TUT4: variants seen among roughly 807,000 people sequenced by gnomAD.
The protein encoded by TUT4 is terminal uridylyltransferase 4.
TUT4 carries 36 observed loss-of-function variants against 192.2 expected under a neutral mutation model. The ratio of observed to expected loss-of-function variants is 0.19; its 90% confidence interval spans 0.14 to 0.25. The LOEUF is 0.25. Among genes scored for constraint, TUT4 ranks in the 10% least tolerant of loss-of-function variants. The pLI is 1.00. For synonymous variants in TUT4, 618 were observed against 666.0 expected, an observed-to-expected ratio of 0.93 and a Z score of 1.11; for missense variants, 1,493 against 1,957.2, an observed-to-expected ratio of 0.76 and a Z score of 4.47.
rs1015637625 is a variant in TUT4 at position 52,431,421 on chromosome 1, G to A, written c.4303C>T (p.Pro1435Ser). ...PSYSPQPQPF[P>S]QNSSQSAAIT... ...GCAGCTGACTGGGAAGAGTTCTGTGGAAATGGCTGAGGCTGAGGAGAATAA... is the reference window on the plus strand; with the variant it reads ...GCAGCTGACTGGGAAGAGTTCTGTGAAAATGGCTGAGGCTGAGGAGAATAA... Residue 1435 changes from proline to serine, a missense_variant, in exon 28 of 30, where the codon CCA (proline) becomes TCA (serine). By Grantham distance (74) the Pro-to-Ser change is moderately conservative. Around this residue, in one of 7 missense-constraint regions of TUT4, gnomAD observed 351 missense variants for 397.8 expected, o/e 0.88. Transcript: ENST00000257177. 1 of 1,613,816 alleles carries A rather than the reference G, an allele frequency of 6.2e-7. No homozygotes were observed. The highest frequency in any genetic ancestry group is 1.7e-5 in the Admixed American group (1 of 59,988).
chr1:52,486,968 A>G (rs1669946321), intron 9 of TUT4, among the ~76,000 whole-genome samples: 1 of 152,108 alleles, frequency 6.6e-6, no homozygotes, highest in African/African-American at 2.4e-5. Flanking sequence ...TTATGACCAC[A>G]AAAAAAATTA....
intron 4 of TUT4, among the ~76,000 whole-genome samples, chr1:52,507,014 G>A (rs1675774119): frequency 6.6e-6 from 1 of 152,072 alleles, no homozygotes; most frequent in African/African-American, 2.4e-5. Context: ...TTTAGTTTAG[G>A]GCTAAATATC....
chr1:52,484,744 T>G (rs978693304), intron 9 of TUT4, among the ~76,000 whole-genome samples: 1 of 152,178 alleles, frequency 6.6e-6, no homozygotes, highest in African/African-American at 2.4e-5. Flanking sequence ...TCTATGCCAA[T>G]AGCATACTCT....
intron 1 of TUT4, among the ~76,000 whole-genome samples, chr1:52,550,722 T>A (rs1020251076): frequency 6.6e-6 from 1 of 152,092 alleles, no homozygotes; most frequent in African/African-American, 2.4e-5. Flanking sequence ...ATCAAACTCC[T>A]ACGCTCAAGC....
chr1:52,515,865 C>T (rs1230760302), intron 3 of TUT4, 26 bp downstream of exon 3: 5 of 1,613,506 alleles, frequency 3.1e-6, no homozygotes, highest in Non-Finnish European at 4.2e-6. Context: ...CATTTCCCCC[C>T]AAATAACTAA....
intron 20 of TUT4, 97 bp from the exon 21 acceptor site, chr1:52,446,764 AC>A: frequency 1.3e-6 from 1 of 763,366 alleles, no homozygotes; most frequent in Non-Finnish European, 2.1e-6. Context: ...TATAAGACAT[AC>A]TAAAATACTT....
intron 8 of TUT4, among the ~76,000 whole-genome samples, chr1:52,489,645 A>G (rs1670650234): frequency 1.3e-5 from 2 of 152,136 alleles, no homozygotes; most frequent in African/African-American, 4.8e-5. Flanking sequence ...ATATTTTGAA[A>G]GCAGGGAGAA....
chr1:52,544,076 CAGG>C (rs201844197), intron 1 of TUT4, among the ~76,000 whole-genome samples: 4,467 of 151,830 alleles, frequency 0.029, 95 homozygotes, highest in Non-Finnish European at 0.044. Context: ...ATCACAAGGT[CAGG>C]AGATGAGACC....
chr1:52,494,177 G>C (rs1671884131), intron 6 of TUT4, among the ~76,000 whole-genome samples: 1 of 151,932 alleles, frequency 6.6e-6, no homozygotes, highest in Admixed American at 6.6e-5. Context: ...TTTTATTCCA[G>C]AAACACTCTT....
At chr1:52,544,091 T>C (rs2149706900) in intron 1 of TUT4, among the ~76,000 whole-genome samples, 1 of 151,826 alleles carries the variant, frequency 6.6e-6, no homozygotes, top group African/African-American at 2.4e-5. Flanking sequence ...GATGAGACCA[T>C]CCTGGCGAAC....
intron 2 of TUT4, among the ~76,000 whole-genome samples, chr1:52,519,074 A>C (rs1679490955): frequency 6.6e-6 from 1 of 152,222 alleles, no homozygotes. Context: ...TTTTACACAA[A>C]TGTTCAGAAC....
intron 24 of TUT4, among the ~76,000 whole-genome samples, chr1:52,445,007 G>A (rs1408010312): frequency 1.4e-5 from 2 of 145,200 alleles, no homozygotes; most frequent in Non-Finnish European, 3.0e-5. Flanking sequence ...ACATGTATGT[G>A]TGTATATATA....
At chr1:52,515,850 A>G in intron 3 of TUT4, 41 bp downstream of exon 3, 1 of 1,611,164 alleles carries the variant, frequency 6.2e-7, no homozygotes, top group Non-Finnish European at 8.5e-7. Flanking sequence ...CAGTTATGAA[A>G]CACACATTTC....
chr1:52,482,508 T>G (rs1476624871), intron 9 of TUT4, among the ~76,000 whole-genome samples: 1 of 152,188 alleles, frequency 6.6e-6, no homozygotes, highest in Non-Finnish European at 1.5e-5. Context: ...GGCATGATCA[T>G]GACTCACTGC....
chr1:52,444,131 G>C (rs945256706), intron 24 of TUT4, among the ~76,000 whole-genome samples: 1 of 151,994 alleles, frequency 6.6e-6, no homozygotes, highest in Non-Finnish European at 1.5e-5. Context: ...TGCTACTCTC[G>C]GCTGAGGCAG....
chr1:52,482,660 C>T (rs1401400497), intron 9 of TUT4, among the ~76,000 whole-genome samples: 1 of 152,152 alleles, frequency 6.6e-6, no homozygotes, highest in Non-Finnish European at 1.5e-5. Context: ...GTCTCGAACC[C>T]TTGGGCTCAA....
intron 1 of TUT4, among the ~76,000 whole-genome samples, chr1:52,526,988 T>C (rs948574123): frequency 1.4e-4 from 21 of 151,896 alleles, no homozygotes; most frequent in Non-Finnish European, 2.9e-5. Flanking sequence ...CATGCCATTG[T>C]ACTCCAGCCT....
At chr1:52,489,502 C>T (rs555964906) in intron 8 of TUT4, among the ~76,000 whole-genome samples, 9 of 152,300 alleles carry the variant, frequency 5.9e-5, no homozygotes, top group African/African-American at 1.2e-4. Flanking sequence ...CCTATCCAAG[C>T]TTTCACAATT....
At chr1:52,500,093 G>A (rs1371304052) in intron 4 of TUT4, among the ~76,000 whole-genome samples, 1 of 151,348 alleles carries the variant, frequency 6.6e-6, no homozygotes, top group African/African-American at 2.4e-5. Flanking sequence ...TTACACTCCA[G>A]CCTGGGCAAC....
Sources: allele counts gnomAD v4.1 joint callset (sites outside exome capture counted in the v4.1 genomes callset), GRCh38; gene constraint gnomAD v4.1.1; regional missense constraint gnomAD v4.1.1; transcripts MANE v1.5; gene names NCBI Gene and HGNC (gene_info 2026-07-23, HGNC 2026-07-21).